NELL1: variants seen among roughly 807,000 people sequenced by gnomAD.
NELL1 encodes protein kinase C-binding protein NELL1.
Under a neutral mutation model 107.4 loss-of-function variants are expected in NELL1, and 76 were observed. That is an observed-to-expected ratio of 0.71 (90% CI 0.59 to 0.86). NELL1 has a LOEUF of 0.86. Ranked by LOEUF, NELL1 falls within the 40% of genes least tolerant of loss-of-function variation. The pLI, the probability that NELL1 is intolerant of heterozygous loss-of-function variation, is 0.00. For missense variants in NELL1, 1,024 were observed against 1,005.5 expected, an observed-to-expected ratio of 1.02 and a Z score of -0.25; for synonymous variants, 353 against 341.2, an observed-to-expected ratio of 1.03 and a Z score of -0.38.
At chr11:21,260,400 C>G (rs1246895070) in intron 14 of NELL1, 2 of 151,846 alleles carry the variant, frequency 1.3e-5, no homozygotes, top group African/African-American at 4.8e-5. Context: ...CTTTGTATAA[C>G]CAGAGAAGCC....
chr11:20,762,657 G>C (rs973723599), intron 2 of NELL1, among the ~76,000 whole-genome samples: 3 of 152,184 alleles, frequency 2.0e-5, no homozygotes, highest in Admixed American at 2.0e-4. Flanking sequence ...TGGTGAATAA[G>C]AGCGTAATTA....
intron 15 of NELL1, among the ~76,000 whole-genome samples, chr11:21,506,579 A>G (rs1374732202): frequency 6.6e-6 from 1 of 152,244 alleles, no homozygotes; most frequent in African/African-American, 2.4e-5. Flanking sequence ...TGAAAATGGG[A>G]CATGGGGCCA....
At chr11:20,870,669 A>G (rs1283238566) in intron 4 of NELL1, among the ~76,000 whole-genome samples, 1 of 152,184 alleles carries the variant, frequency 6.6e-6, no homozygotes, top group African/African-American at 2.4e-5. Flanking sequence ...TCCAAACTTC[A>G]ATTTTTCTTC....
chr11:21,296,131 A>T (rs1849370514), intron 14 of NELL1, among the ~76,000 whole-genome samples: 1 of 152,048 alleles, frequency 6.6e-6, no homozygotes, highest in African/African-American at 2.4e-5. Context: ...TCTATCCCTC[A>T]TAAAAAGGAA....
At chr11:21,379,119 T>C (rs901479823) in intron 15 of NELL1, among the ~76,000 whole-genome samples, 1 of 152,088 alleles carries the variant, frequency 6.6e-6, no homozygotes, top group Non-Finnish European at 1.5e-5. Flanking sequence ...TTTATAGTGG[T>C]ACAGACAAGC....
intron 12 of NELL1, among the ~76,000 whole-genome samples, chr11:21,109,631 A>G (rs1357327925): frequency 6.6e-6 from 1 of 152,086 alleles, no homozygotes; most frequent in Non-Finnish European, 1.5e-5. Context: ...TTCTCTCTTT[A>G]AATGTCAGTT....
intron 12 of NELL1, among the ~76,000 whole-genome samples, chr11:21,058,359 G>T (rs2134358345): frequency 6.6e-6 from 1 of 152,240 alleles, no homozygotes; most frequent in Non-Finnish European, 1.5e-5. Flanking sequence ...ATGAAAACAT[G>T]ATTTAATGAA....
chr11:21,205,321 G>T (rs910061181), intron 13 of NELL1, among the ~76,000 whole-genome samples: 1 of 152,182 alleles, frequency 6.6e-6, no homozygotes, highest in Non-Finnish European at 1.5e-5. Context: ...TAGAGAGGAG[G>T]AATCTAAAGA....
intron 15 of NELL1, among the ~76,000 whole-genome samples, chr11:21,396,132 T>C (rs895150265): frequency 1.3e-5 from 2 of 151,454 alleles, no homozygotes; most frequent in Admixed American, 1.3e-4. Flanking sequence ...GCATCAATAA[T>C]TGAGTAAACC....
intron 15 of NELL1, among the ~76,000 whole-genome samples, chr11:21,446,879 C>T (rs1853445657): frequency 6.6e-6 from 1 of 152,212 alleles, no homozygotes; most frequent in Admixed American, 6.5e-5. Context: ...TACCATGTCC[C>T]AGCTTGGTCC....
chr11:20,801,782 C>T (rs576546722), intron 3 of NELL1, among the ~76,000 whole-genome samples: 5 of 152,306 alleles, frequency 3.3e-5, no homozygotes, highest in African/African-American at 1.2e-4. Flanking sequence ...GGTCTAGTTT[C>T]ATTCTTCTGC....
intron 3 of NELL1, among the ~76,000 whole-genome samples, chr11:20,829,871 T>C (rs1857969337): frequency 6.6e-6 from 1 of 152,194 alleles, no homozygotes; most frequent in African/African-American, 2.4e-5. Flanking sequence ...TATATTGATA[T>C]ATCTTATTAC....
At chr11:20,763,569 T>C (rs116216288) in intron 2 of NELL1, among the ~76,000 whole-genome samples, 255 of 152,336 alleles carry the variant, frequency 1.7e-3, no homozygotes, top group African/African-American at 5.8e-3. Context: ...TCCCCAATTC[T>C]ACTTCAACAC....
intron 12 of NELL1, among the ~76,000 whole-genome samples, chr11:21,086,377 T>C (rs1310343336): frequency 6.6e-6 from 1 of 152,236 alleles, no homozygotes; most frequent in East Asian, 1.9e-4. Flanking sequence ...ATTTTGTTTT[T>C]GCAGGATACT....
At chr11:21,404,347 T>C (rs1852182667) in intron 15 of NELL1, among the ~76,000 whole-genome samples, 1 of 151,944 alleles carries the variant, frequency 6.6e-6, no homozygotes, top group Non-Finnish European at 1.5e-5. Context: ...GTTGCTTTTA[T>C]ATGGAATTTA....
At chr11:21,478,852 AC>A (rs1219970760) in intron 15 of NELL1, among the ~76,000 whole-genome samples, 5 of 150,986 alleles carry the variant, frequency 3.3e-5, no homozygotes, top group African/African-American at 1.2e-4. Context: ...AAAAAAAAAA[AC>A]TGATAATCTG....
At chr11:21,247,156 G>A (rs1858514520) in intron 14 of NELL1, among the ~76,000 whole-genome samples, 1 of 152,166 alleles carries the variant, frequency 6.6e-6, no homozygotes, top group South Asian at 2.1e-4. Context: ...TGAGTGAGTG[G>A]TTGAGTGAAT....
At chr11:21,432,121 A>G (rs1407438380) in intron 15 of NELL1, among the ~76,000 whole-genome samples, 2 of 152,172 alleles carry the variant, frequency 1.3e-5, no homozygotes, top group Non-Finnish European at 2.9e-5. Context: ...CAAGTGGACC[A>G]TAAATTTCTT....
At chr11:21,472,360 T>C (rs957374338) in intron 15 of NELL1, among the ~76,000 whole-genome samples, 1 of 152,042 alleles carries the variant, frequency 6.6e-6, no homozygotes, top group Non-Finnish European at 1.5e-5. Context: ...TCTCTTAACC[T>C]GAGTTGTTGA....
Sources: gnomAD v4.1 joint callset for allele counts (sites outside exome capture counted in the v4.1 genomes callset) on GRCh38, gnomAD v4.1.1 for gene constraint, MANE v1.5 for transcripts, NCBI Gene and HGNC (gene_info 2026-07-23, HGNC 2026-07-21) for gene names.